The following TNS3 variants were observed in gnomAD, a reference collection of about 807,000 sequenced individuals.
TNS3 encodes the protein tensin-3.
A neutral mutation model predicts 140.9 loss-of-function variants in TNS3; 45 were observed. The observed-to-expected ratio is 0.32, with a 90% confidence interval of 0.25 to 0.41. The LOEUF (loss-of-function observed/expected upper bound fraction) is 0.41. Among genes scored for constraint, TNS3 ranks in the 10% least tolerant of loss-of-function variants. TNS3 has a pLI of 1.00. For synonymous variants in TNS3, 815 were observed against 788.4 expected (o/e 1.03, Z -0.56); for missense variants, 1,716 against 1,906.7 (o/e 0.90, Z 1.86).
intron 18 of TNS3, 33 bp from the exon 19 acceptor site, chr7:47,345,071 C>G: frequency 6.3e-7 from 1 of 1,577,998 alleles, no homozygotes; most frequent in Non-Finnish European, 8.7e-7. Flanking sequence ...AATGTGAGAA[C>G]AGGGAGTCAA....
At chr7:47,281,895 C>G (rs989195233) in intron 28 of TNS3, among the ~76,000 whole-genome samples, 1 of 151,576 alleles carries the variant, frequency 6.6e-6, no homozygotes, top group African/African-American at 2.4e-5. Context: ...GCCTCCAGAC[C>G]CTGAGTCCAC....
At chr7:47,319,379 G>A (rs972601266) in intron 20 of TNS3, among the ~76,000 whole-genome samples, 1 of 151,336 alleles carries the variant, frequency 6.6e-6, no homozygotes, top group Non-Finnish European at 1.5e-5. Flanking sequence ...AGAGGAAGGC[G>A]AGAGAGAGAG....
chr7:47,459,289 T>A (rs1796386819), intron 4 of TNS3, among the ~76,000 whole-genome samples: 1 of 152,218 alleles, frequency 6.6e-6, no homozygotes, highest in Non-Finnish European at 1.5e-5. Context: ...CTCTAGAAAG[T>A]GCTGTGACTT....
intron 1 of TNS3, among the ~76,000 whole-genome samples, chr7:47,533,123 A>ATATATTTTTTTT (rs1186427934): frequency 2.3e-5 from 2 of 88,828 alleles, no homozygotes; most frequent in African/African-American, 1.3e-4. Flanking sequence ...ATATATATAT[A>ATATATTTTTTTT]TTTTTTTTTT....
chr7:47,428,429 G>T (rs866822840), intron 8 of TNS3, 53 bp from the exon 9 acceptor site: 12 of 1,300,052 alleles, frequency 9.2e-6, no homozygotes, highest in Middle Eastern at 2.0e-4. Flanking sequence ...CAGCAGAGAT[G>T]TAATTAGAAC....
At chr7:47,411,632 G>A in intron 13 of TNS3, 95 bp downstream of exon 13, 1 of 1,321,868 alleles carries the variant, frequency 7.6e-7, no homozygotes. Context: ...TTTTGGGGGT[G>A]AGGGTTACTG....
chr7:47,481,163 G>T (rs754836289), intron 3 of TNS3, 22 bp from the exon 4 acceptor site: 1 of 1,289,492 alleles, frequency 7.8e-7, no homozygotes, highest in South Asian at 1.2e-5. Context: ...AGAAGAAACA[G>T]ATAAGCAAAT....
chr7:47,368,981 A>T lies in TNS3; in HGVS notation c.1665T>A (p.Phe555Leu). The T allele has an allele frequency of 6.2e-7, 1 of 1,613,888 alleles. No individual in the cohort carries two copies. Among genetic ancestry groups the T allele is most frequent in the Non-Finnish European group, 8.5e-7 (1 of 1,180,006 alleles). Residue 555 changes from phenylalanine to leucine, a missense_variant, in exon 17 of 31, where the codon TTT (phenylalanine) becomes TTA (leucine). Phe to Leu is a conservative substitution (Grantham distance 22). Coordinates refer to ENST00000311160, the MANE Select transcript of TNS3 (RefSeq NM_022748.12). ...GGGGCTGCTTGGGCTCTCGACTCCC[A>T]AAAGTCCGCTCCCGCTCATAGGGGC... is the stretch of plus-strand genomic sequence containing the variant. The part of the protein sequence containing the change: ...MDGPYERERT[F>L]GSREPKQPQP...
At chr7:47,530,838 A>AAAAAAAAAAAAATATATATATATATATAT in intron 1 of TNS3, among the ~76,000 whole-genome samples, 4 of 54,558 alleles carry the variant, frequency 7.3e-5, no homozygotes, top group African/African-American at 2.4e-4. Context: ...AAAAAAAAAA[A>AAAAAAAAAAAAATATATATATATATATAT]ATATATATAT....
intron 3 of TNS3, among the ~76,000 whole-genome samples, chr7:47,504,277 G>T (rs755449268): frequency 7.2e-5 from 11 of 152,216 alleles, no homozygotes; most frequent in Non-Finnish European, 1.5e-4. Context: ...TGCTGTCTCG[G>T]TCCCCATTTC....
chr7:47,447,172 G>A (rs1415693849), intron 4 of TNS3, among the ~76,000 whole-genome samples: 1 of 150,110 alleles, frequency 6.7e-6, no homozygotes, highest in Non-Finnish European at 1.5e-5. Flanking sequence ...CTGAGTCAGT[G>A]AGTGAAAAGT....
intron 16 of TNS3, among the ~76,000 whole-genome samples, chr7:47,389,700 C>T (rs979571019): frequency 6.6e-6 from 1 of 152,214 alleles, no homozygotes; most frequent in Non-Finnish European, 1.5e-5. Flanking sequence ...GCACTTGAGA[C>T]AGGAGGAAGC....
intron 27 of TNS3, among the ~76,000 whole-genome samples, chr7:47,286,861 T>C (rs965165769): frequency 1.3e-5 from 2 of 152,140 alleles, no homozygotes; most frequent in African/African-American, 2.4e-5. Flanking sequence ...GGTAAACTTA[T>C]TATGCTAAGA....
intron 1 of TNS3, among the ~76,000 whole-genome samples, chr7:47,572,396 A>T (rs1310276323): frequency 6.6e-6 from 1 of 152,246 alleles, no homozygotes; most frequent in East Asian, 1.9e-4. Flanking sequence ...GGGAAGAGGA[A>T]AATGAATGAT....
intron 3 of TNS3, among the ~76,000 whole-genome samples, chr7:47,505,476 C>G (rs901750223): frequency 6.6e-6 from 1 of 152,146 alleles, no homozygotes; most frequent in Non-Finnish European, 1.5e-5. Context: ...AGAGGAGAAG[C>G]GCTCCACACA....
At chr7:47,302,365 G>T in intron 22 of TNS3, 93 bp from the exon 23 acceptor site, 1 of 1,053,884 alleles carries the variant, frequency 9.5e-7, no homozygotes. Context: ...CAAATCCCAT[G>T]CCAAGGGCAA....
chr7:47,465,866 G>C (rs2151714222), intron 4 of TNS3, among the ~76,000 whole-genome samples: 1 of 151,342 alleles, frequency 6.6e-6, no homozygotes, highest in South Asian at 2.1e-4. Flanking sequence ...GGAGGTTGCT[G>C]TGAGCCGAGA....
chr7:47,279,812 A>T (rs1457534547), intron 30 of TNS3: 1 of 308,640 alleles, frequency 3.2e-6, no homozygotes, highest in Admixed American at 4.7e-5. Context: ...CTTCATCCAC[A>T]CACCTGCACA....
At chr7:47,576,467 G>C (rs1010127303) in intron 1 of TNS3, among the ~76,000 whole-genome samples, 2 of 152,218 alleles carry the variant, frequency 1.3e-5, no homozygotes, top group Non-Finnish European at 2.9e-5. Flanking sequence ...GCCAGAGCCT[G>C]GCCTATGTCA....
Sources: allele counts gnomAD v4.1 joint callset (sites outside exome capture counted in the v4.1 genomes callset), GRCh38; gene constraint gnomAD v4.1.1; transcripts MANE v1.5; gene names NCBI Gene and HGNC (gene_info 2026-07-23, HGNC 2026-07-21).